Variants in TMEM170A observed in about 807,000 individuals in gnomAD.
TMEM170A encodes transmembrane protein 170A, also known as transmembrane protein 170.
In TMEM170A, 18 loss-of-function variants were observed where a neutral mutation model predicts 12.8. The ratio of observed to expected loss-of-function variants is 1.41; its 90% CI spans 0.97 to 2.09. The LOEUF (loss-of-function observed/expected upper bound fraction) is 2.09, where lower values mean the gene tolerates loss of function less well. Among genes scored for constraint, TMEM170A ranks in the 30% most tolerant of loss-of-function variants. TMEM170A has a pLI of 0.00. For synonymous variants in TMEM170A, 107 were observed against 76.2 expected (o/e 1.40, Z -2.11); for missense variants, 220 against 179.9 (o/e 1.22, Z -1.28).
Position 75,443,108 on chromosome 16 carries a change from T to C in TMEM170A, c.*4450A>G, listed in dbSNP as rs542921611. 1 of 152,206 alleles carries C rather than the reference T, an allele frequency of 6.6e-6. No individual in the cohort carries two copies. The highest frequency in any genetic ancestry group is 1.9e-4 in the East Asian group (1 of 5,188). 9.4% of individuals were successfully genotyped at this position (152,206 alleles called of 1,614,324 possible). A position where few individuals can be genotyped will look rare whatever the true frequency, so the allele number is the denominator to read the frequency against. On this transcript the variant is annotated 3_prime_UTR_variant, in exon 3 of 3. Coordinates refer to ENST00000561878, the MANE Select transcript of TMEM170A (RefSeq NM_145254.3). ...CTTTGAACAAGAATTTTATCATAAA[T>C]TAGTAAGAAGTAGAACATAAAAAAA...
chr16:75,461,305 C>A (rs1016039270), intron 1 of TMEM170A, among the ~76,000 whole-genome samples: 1 of 151,910 alleles, frequency 6.6e-6, no homozygotes, highest in South Asian at 2.1e-4. Flanking sequence ...CCGCCCGCTT[C>A]GGCCTCCCAA....
At chr16:75,457,755 T>C (rs2079825363) in intron 1 of TMEM170A, among the ~76,000 whole-genome samples, 2 of 152,156 alleles carry the variant, frequency 1.3e-5, no homozygotes, top group Non-Finnish European at 2.9e-5. Context: ...GCGTCCGGCA[T>C]ACACAGCAGG....
At chr16:75,451,901 G>C (rs1175051424) in intron 1 of TMEM170A, 62 bp from the exon 2 acceptor site, 11 of 1,445,608 alleles carry the variant, frequency 7.6e-6, no homozygotes, top group Admixed American at 2.0e-5. Context: ...TCATTGCAGA[G>C]GGTACTCATC....
intron 2 of TMEM170A, 54 bp from the exon 3 acceptor site, chr16:75,447,742 C>T: frequency 6.5e-7 from 1 of 1,545,702 alleles, no homozygotes; most frequent in South Asian, 1.2e-5. Context: ...GGTTAACAAA[C>T]TCACGAAAAT....
At chr16:75,464,362 C>T in intron 1 of TMEM170A, 106 bp downstream of exon 1, 1 of 1,376,366 alleles carries the variant, frequency 7.3e-7, no homozygotes, top group Admixed American at 3.9e-5. Context: ...AGCGCCCACG[C>T]CGCCAGCAGG....
chr16:75,445,456 G>C lies in TMEM170A; in HGVS notation c.*2102C>G, dbSNP rs2079567928. 1 of 152,066 alleles carries C rather than the reference G, an allele frequency of 6.6e-6. No homozygotes were observed. Among genetic ancestry groups the C allele is most frequent in the Non-Finnish European group, 1.5e-5 (1 of 68,038 alleles). 9.4% of individuals were successfully genotyped at this position (152,066 alleles called of 1,614,324 possible). On this transcript the variant is annotated 3_prime_UTR_variant, in exon 3 of 3. Transcript: ENST00000561878. ...TCTTGGGTAGCTGAGGCCACGCCCA[G>C]CTAATTTTTTTTTATTTTGTAGTAG...
chr16:75,461,255 C>T (rs1188436546), intron 1 of TMEM170A, among the ~76,000 whole-genome samples: 1 of 148,980 alleles, frequency 6.7e-6, no homozygotes, highest in South Asian at 2.1e-4. Flanking sequence ...GGTGTCACCA[C>T]GTTGGCCAGG....
At chr16:75,462,844 T>C (rs1187015469) in intron 1 of TMEM170A, among the ~76,000 whole-genome samples, 1 of 152,196 alleles carries the variant, frequency 6.6e-6, no homozygotes, top group African/African-American at 2.4e-5. Flanking sequence ...ACACATTAGG[T>C]AACATTATTC....
intron 1 of TMEM170A, among the ~76,000 whole-genome samples, chr16:75,457,882 T>C (rs1036165003): frequency 6.6e-6 from 1 of 152,216 alleles, no homozygotes; most frequent in African/African-American, 2.4e-5. Flanking sequence ...TAAAGTCATT[T>C]CAAGTAGGAA....
At chr16:75,460,656 C>T (rs1244571010) in intron 1 of TMEM170A, among the ~76,000 whole-genome samples, 1 of 152,218 alleles carries the variant, frequency 6.6e-6, no homozygotes, top group Non-Finnish European at 1.5e-5. Context: ...TCCCAGGCCC[C>T]TCACCACCAG....
chr16:75,451,233 G>T (rs977921388), intron 2 of TMEM170A, among the ~76,000 whole-genome samples: 7 of 105,558 alleles, frequency 6.6e-5, no homozygotes, highest in African/African-American at 2.1e-4. Context: ...GGACCTTGGG[G>T]GTGGAAAAAA....
rs554426649 is a variant in TMEM170A at position 75,447,418 on chromosome 16, C to T, written c.*140G>A. On this transcript the variant is annotated 3_prime_UTR_variant, in exon 3 of 3. Transcript: ENST00000561878. ...TAGGAGCTTCAAAATGAAGAAAAGGCTGAGATGTGTTGTCCTTCATGTTCC... is the reference window on the plus strand; with the variant it reads ...TAGGAGCTTCAAAATGAAGAAAAGGTTGAGATGTGTTGTCCTTCATGTTCC... 4.4e-6 allele frequency: 4 copies of T among 906,392 alleles called. No homozygotes were observed. In the East Asian group the frequency reaches 1.2e-4, roughly 27 times the overall value. The allele number at this position is 906,392 out of a possible 1,614,324, so 56.1% of individuals were successfully genotyped here.
At chr16:75,464,399 T>G (rs2079960957) in intron 1 of TMEM170A, 69 bp downstream of exon 1, 1 of 1,382,876 alleles carries the variant, frequency 7.2e-7, no homozygotes, top group Admixed American at 4.0e-5. Flanking sequence ...CCGCCCAGAC[T>G]CGGGGCGCCC....
rs188569399 is a variant in TMEM170A, at chr16:75,451,502, T to C, written c.304+167A>G. The C allele has an allele frequency of 7.1e-5, 48 of 680,844 alleles. 1 individual carries two copies. Among genetic ancestry groups the C allele is most frequent in the East Asian group, 4.9e-4 (18 of 36,970 alleles). 42.2% of individuals were successfully genotyped at this position (680,844 alleles called of 1,614,324 possible). A position where few individuals can be genotyped will look rare whatever the true frequency, so the allele number is the denominator to read the frequency against. ...AGGTGGAGGCTGCAGTGAGCCAATA[T>C]TGCAACCACTGCACTCCGGCCTTGG... On this transcript the variant is annotated intron_variant, in intron 2 of 2. Coordinates refer to ENST00000561878, the MANE Select transcript of TMEM170A (RefSeq NM_145254.3).
chr16:75,447,392 C>T lies in TMEM170A; in HGVS notation c.*166G>A. ...TAGGAGTCCACATAAGTCTTCAATT[C>T]TAGGAGCTTCAAAATGAAGAAAAGG... On this transcript the variant is annotated 3_prime_UTR_variant, in exon 3 of 3. Transcript: ENST00000561878. 1.5e-6 allele frequency: 1 copy of T among 685,420 alleles called. No homozygotes were observed. Among genetic ancestry groups the T allele is most frequent in the South Asian group, 3.9e-5 (1 of 25,864 alleles). 42.5% of individuals were successfully genotyped at this position (685,420 alleles called of 1,614,324 possible).
In TMEM170A at chr16:75,447,340, C is replaced by A; in HGVS notation, c.*218G>T. The stretch of plus-strand genomic sequence containing the variant: ...ATCAAATATCTACAAAAAAGAAAGC[C>A]AAAAGACTTGTTTTGGTTGAGAACA... On this transcript the variant is annotated 3_prime_UTR_variant, in exon 3 of 3. Transcript: ENST00000561878. The A allele has an allele frequency of 5.1e-6, 2 of 389,014 alleles. No homozygotes were observed. Among genetic ancestry groups the A allele is most frequent in the Non-Finnish European group, 4.3e-6 (1 of 230,824 alleles). 24.1% of individuals were successfully genotyped at this position (389,014 alleles called of 1,614,324 possible).
chr16:75,462,853 T>G (rs2079931281), intron 1 of TMEM170A, among the ~76,000 whole-genome samples: 1 of 152,212 alleles, frequency 6.6e-6, no homozygotes, highest in Admixed American at 6.5e-5. Flanking sequence ...GTAACATTAT[T>G]CTATGATGTT....
At chr16:75,450,969 C>A (rs1286381618) in intron 2 of TMEM170A, among the ~76,000 whole-genome samples, 1 of 151,966 alleles carries the variant, frequency 6.6e-6, no homozygotes, top group African/African-American at 2.4e-5. Context: ...GCAAAGAATT[C>A]TTGTCATCAA....
intron 1 of TMEM170A, among the ~76,000 whole-genome samples, chr16:75,461,387 G>C (rs947341648): frequency 3.9e-5 from 6 of 152,218 alleles, no homozygotes; most frequent in African/African-American, 7.2e-5. Flanking sequence ...CTAACCCTCC[G>C]TAGGTAAATG....
Sources: allele counts gnomAD v4.1 joint callset (sites outside exome capture counted in the v4.1 genomes callset), GRCh38; gene constraint gnomAD v4.1.1; transcripts MANE v1.5; gene names NCBI Gene and HGNC (gene_info 2026-07-23, HGNC 2026-07-21).